SLC24A3: variants seen among roughly 807,000 people sequenced by gnomAD.
SLC24A3 encodes solute carrier family 24 member 3.
SLC24A3 carries 28 observed loss-of-function variants against 75.8 expected under a neutral mutation model. The observed-to-expected ratio is 0.37, with a 90% CI of 0.27 to 0.51. The LOEUF is 0.51. SLC24A3 is among the 20% of genes least tolerant of loss of function. SLC24A3 has a pLI of 0.94. For missense variants in SLC24A3, 663 were observed against 847.8 expected, an observed-to-expected ratio of 0.78 and a Z score of 2.71; for synonymous variants, 372 against 334.1, an observed-to-expected ratio of 1.11 and a Z score of -1.24.
intron 6 of SLC24A3, among the ~76,000 whole-genome samples, chr20:19,639,711 A>T (rs1046962218): frequency 6.6e-6 from 1 of 152,228 alleles, no homozygotes; most frequent in Non-Finnish European, 1.5e-5. Flanking sequence ...CTCCGGCCGC[A>T]CAGGAGCCCA....
At chr20:19,502,752 C>T (rs1396279795) in intron 2 of SLC24A3, among the ~76,000 whole-genome samples, 5 of 150,582 alleles carry the variant, frequency 3.3e-5, no homozygotes, top group African/African-American at 9.8e-5. Context: ...AATAGAAGAC[C>T]GGGTGCAGTG....
intron 2 of SLC24A3, among the ~76,000 whole-genome samples, chr20:19,430,302 A>T (rs1437316173): frequency 6.6e-6 from 1 of 152,166 alleles, no homozygotes; most frequent in Non-Finnish European, 1.5e-5. Flanking sequence ...AGCAGAGAAG[A>T]TCAATAATCA....
intron 2 of SLC24A3, among the ~76,000 whole-genome samples, chr20:19,352,798 G>T (rs1412237648): frequency 1.3e-5 from 2 of 152,148 alleles, no homozygotes; most frequent in Admixed American, 1.3e-4. Flanking sequence ...AAGTCTTTAA[G>T]GTCATCACTC....
chr20:19,525,332 TC>T (rs1423689397), intron 3 of SLC24A3, among the ~76,000 whole-genome samples: 2 of 151,906 alleles, frequency 1.3e-5, no homozygotes, highest in African/African-American at 2.4e-5. Context: ...TCAGGCTGAC[TC>T]CCCCAGAAGC....
chr20:19,221,759 G>A (rs1275685420), intron 1 of SLC24A3, among the ~76,000 whole-genome samples: 1 of 152,116 alleles, frequency 6.6e-6, no homozygotes, highest in Non-Finnish European at 1.5e-5. Context: ...CCAAGAGCAT[G>A]TCTATTCTTT....
At chr20:19,429,414 A>G (rs558898432) in intron 2 of SLC24A3, among the ~76,000 whole-genome samples, 3 of 152,364 alleles carry the variant, frequency 2.0e-5, no homozygotes, top group African/African-American at 7.2e-5. Flanking sequence ...TCTCATTTTT[A>G]TGGTGCAAAG....
intron 9 of SLC24A3, 34 bp from the exon 10 acceptor site, chr20:19,681,824 C>T (rs753369316): frequency 6.2e-7 from 1 of 1,613,476 alleles, no homozygotes; most frequent in Admixed American, 1.7e-5. Context: ...ATGGAAAACA[C>T]TGATGGACTC....
chr20:19,698,174 G>A (rs961469807), intron 14 of SLC24A3, among the ~76,000 whole-genome samples: 16 of 152,088 alleles, frequency 1.1e-4, no homozygotes, highest in African/African-American at 2.4e-4. Flanking sequence ...CACAAAGCCG[G>A]TACCAATGGG....
intron 7 of SLC24A3, among the ~76,000 whole-genome samples, chr20:19,656,754 T>TTA (rs1474275698): frequency 6.6e-6 from 1 of 152,224 alleles, no homozygotes. Flanking sequence ...TTGGATCTCC[T>TTA]GGGAGCACAG....
chr20:19,511,316 G>A (rs1988532646), intron 2 of SLC24A3, among the ~76,000 whole-genome samples: 1 of 150,458 alleles, frequency 6.6e-6, no homozygotes, highest in African/African-American at 2.5e-5. Context: ...TAGGAGAAGA[G>A]GGCTTAGCTC....
chr20:19,234,039 A>G (rs1982098508), intron 1 of SLC24A3, among the ~76,000 whole-genome samples: 1 of 152,194 alleles, frequency 6.6e-6, no homozygotes, highest in Non-Finnish European at 1.5e-5. Flanking sequence ...CATGCCCTGA[A>G]TCATTATTCG....
intron 2 of SLC24A3, among the ~76,000 whole-genome samples, chr20:19,418,606 T>G (rs1268695684): frequency 6.6e-6 from 1 of 151,784 alleles, no homozygotes; most frequent in African/African-American, 2.4e-5. Context: ...ATCCAGCTCA[T>G]AAATATGAGT....
intron 2 of SLC24A3, among the ~76,000 whole-genome samples, chr20:19,338,155 GA>G (rs1985180775): frequency 6.6e-6 from 1 of 152,174 alleles, no homozygotes; most frequent in Non-Finnish European, 1.5e-5. Context: ...TTAATAGAAA[GA>G]AGCTATTAAA....
In SLC24A3 at chr20:19,540,739, A is replaced by G. The variant is rs184459903; in HGVS notation, c.348+25175A>G. 1.6e-3 allele frequency among the ~76,000 whole-genome samples: 242 copies of G among 152,280 alleles called. 3 individuals are homozygous for G. Among genetic ancestry groups the G allele is most frequent in the Non-Finnish European group, 2.8e-4 (19 of 68,016 alleles). The stretch of plus-strand genomic sequence containing the variant: ...GGTAAGTTTGCATTTGATTTGCTTT[A>G]TTTCCAAAATTATTTCCAGCAATGG... On this transcript the variant is annotated intron_variant, in intron 3 of 16. Transcript: ENST00000328041.
At chr20:19,493,790 T>C (rs1005404332) in intron 2 of SLC24A3, among the ~76,000 whole-genome samples, 1 of 152,192 alleles carries the variant, frequency 6.6e-6, no homozygotes, top group African/African-American at 2.4e-5. Flanking sequence ...TCCCCTTCCC[T>C]GAGAGAATGG....
Position 19,684,191 on chromosome 20 carries a change from A to T in SLC24A3, c.917A>T (p.Lys306Ile). The change falls in exon 11 of 17, where the codon AAA (lysine) becomes ATA (isoleucine). Residue 306 changes from lysine (K) to isoleucine (I), a missense_variant. Transcript: ENST00000328041. ...VLLKKANFHR[K>I]ASVIMVDELL... is the part of the protein sequence containing the mutation. The stretch of plus-strand genomic sequence containing the variant: ...GTTTCCCTAGCAAATTTCCACCGCA[A>T]AGCATCAGTGATCATGGTAGACGAG... 6.2e-7 allele frequency: 1 copy of T among 1,613,404 alleles called. No individual in the cohort carries two copies. Among genetic ancestry groups the T allele is most frequent in the Non-Finnish European group, 8.5e-7 (1 of 1,179,458 alleles).
At chr20:19,346,687 A>AG (rs1015221332) in intron 2 of SLC24A3, among the ~76,000 whole-genome samples, 34 of 152,056 alleles carry the variant, frequency 2.2e-4, no homozygotes, top group African/African-American at 7.7e-4. Flanking sequence ...TTGGGAACTC[A>AG]GGGGAAAGGG....
intron 8 of SLC24A3, among the ~76,000 whole-genome samples, chr20:19,672,279 C>G (rs903552820): frequency 2.6e-5 from 4 of 152,162 alleles, no homozygotes; most frequent in Non-Finnish European, 5.9e-5. Context: ...GATTTCCTCT[C>G]TCAATAGTGC....
At chr20:19,623,430 C>A (rs540840695) in intron 6 of SLC24A3, among the ~76,000 whole-genome samples, 1 of 152,336 alleles carries the variant, frequency 6.6e-6, no homozygotes, top group East Asian at 1.9e-4. Flanking sequence ...TTTGCAAAGG[C>A]TTACCTTTCC....
Sources: allele counts gnomAD v4.1 joint callset (sites outside exome capture counted in the v4.1 genomes callset), GRCh38; gene constraint gnomAD v4.1.1; transcripts MANE v1.5; gene names NCBI Gene and HGNC (gene_info 2026-07-23, HGNC 2026-07-21).